The following NRXN3 variants were observed in gnomAD, a reference collection of about 807,000 sequenced individuals.
NRXN3 encodes the protein neurexin III.
In NRXN3, 32 loss-of-function variants were observed where a neutral mutation model predicts 137.6. That is an observed-to-expected ratio of 0.23 (90% CI 0.18 to 0.31). The LOEUF (loss-of-function observed/expected upper bound fraction) is 0.31. Ranked by LOEUF, NRXN3 falls within the 10% of genes least tolerant of loss-of-function variation. The pLI is 1.00. For synonymous variants in NRXN3, 798 were observed against 784.5 expected, an observed-to-expected ratio of 1.02 and a Z score of -0.29; for missense variants, 1,574 against 2,062.5, an observed-to-expected ratio of 0.76 and a Z score of 4.59.
intron 10 of NRXN3, among the ~76,000 whole-genome samples, chr14:78,943,665 T>A (rs1241967524): frequency 1.5e-4 from 13 of 89,188 alleles, no homozygotes; most frequent in Admixed American, 3.3e-4. Flanking sequence ...TATATATATA[T>A]ATATATATAT....
At chr14:78,902,898 C>A (rs1183636843) in intron 10 of NRXN3, among the ~76,000 whole-genome samples, 1 of 151,500 alleles carries the variant, frequency 6.6e-6, no homozygotes, top group East Asian at 1.9e-4. Flanking sequence ...TGTGACTGTG[C>A]ACACCATAGT....
intron 10 of NRXN3, among the ~76,000 whole-genome samples, chr14:78,916,060 T>A (rs2099254557): frequency 6.6e-6 from 1 of 152,108 alleles, no homozygotes; most frequent in Non-Finnish European, 1.5e-5. Flanking sequence ...CTTGAGTGTC[T>A]TGTCCAGGTG....
At chr14:79,818,790 C>T (rs986025978) in intron 20 of NRXN3, among the ~76,000 whole-genome samples, 2 of 152,154 alleles carry the variant, frequency 1.3e-5, no homozygotes, top group African/African-American at 4.8e-5. Flanking sequence ...TTATAAAGAA[C>T]TAAAAATCAC....
intron 1 of NRXN3, among the ~76,000 whole-genome samples, chr14:78,214,041 C>T (rs1215855070): frequency 6.6e-6 from 1 of 152,188 alleles, no homozygotes; most frequent in African/African-American, 2.4e-5. Flanking sequence ...TTCTACCTTA[C>T]CTCCAGCTTC....
chr14:78,663,819 C>A (rs907815286), intron 6 of NRXN3, among the ~76,000 whole-genome samples: 4 of 152,106 alleles, frequency 2.6e-5, no homozygotes, highest in Non-Finnish European at 2.9e-5. Flanking sequence ...GAGACAAAAT[C>A]TCTTGTGTCT....
intron 16 of NRXN3, among the ~76,000 whole-genome samples, chr14:79,637,219 G>A (rs1373280903): frequency 2.6e-5 from 4 of 152,114 alleles, no homozygotes; most frequent in Admixed American, 6.6e-5. Flanking sequence ...TGATGTAAAG[G>A]TCAAATTCAT....
intron 8 of NRXN3, among the ~76,000 whole-genome samples, chr14:78,759,025 A>G (rs1054508335): frequency 6.6e-6 from 1 of 152,068 alleles, no homozygotes; most frequent in Non-Finnish European, 1.5e-5. Context: ...CCTAGTTTTG[A>G]CCTTCCTCAG....
intron 4 of NRXN3, among the ~76,000 whole-genome samples, chr14:78,574,950 T>G (rs950352655): frequency 1.3e-5 from 2 of 152,204 alleles, no homozygotes; most frequent in African/African-American, 4.8e-5. Flanking sequence ...CACCTTGAAT[T>G]ATAATAATTC....
intron 5 of NRXN3, among the ~76,000 whole-genome samples, chr14:78,650,908 G>T (rs1447044544): frequency 6.6e-6 from 1 of 152,170 alleles, no homozygotes. Context: ...ATTGCAATGG[G>T]TAGAACAAGG....
chr14:79,098,555 G>T (rs1472182316), intron 15 of NRXN3, among the ~76,000 whole-genome samples: 1 of 152,110 alleles, frequency 6.6e-6, no homozygotes, highest in Admixed American at 6.5e-5. Context: ...CTGTAATGTT[G>T]CTGAGTTCGG....
chr14:78,466,966 T>C (rs2095124946), intron 4 of NRXN3, among the ~76,000 whole-genome samples: 1 of 152,184 alleles, frequency 6.6e-6, no homozygotes, highest in Admixed American at 6.5e-5. Context: ...GTAACAAACC[T>C]GCACATGTAC....
intron 16 of NRXN3, among the ~76,000 whole-genome samples, chr14:79,495,466 C>T (rs1052172809): frequency 6.6e-6 from 1 of 151,938 alleles, no homozygotes; most frequent in African/African-American, 2.4e-5. Context: ...CTCTATCAAT[C>T]CAGAATCCTA....
At chr14:78,214,074 A>G (rs562393522) in intron 1 of NRXN3, among the ~76,000 whole-genome samples, 2 of 152,258 alleles carry the variant, frequency 1.3e-5, no homozygotes, top group South Asian at 2.1e-4. Context: ...AGTGGTTTCA[A>G]CTGTTCTTCA....
chr14:78,255,219 A>AC (rs2069368048), intron 2 of NRXN3, among the ~76,000 whole-genome samples: 1 of 151,950 alleles, frequency 6.6e-6, no homozygotes, highest in Non-Finnish European at 1.5e-5. Context: ...GTGGTTTAAA[A>AC]TAGTTTACTT....
intron 4 of NRXN3, among the ~76,000 whole-genome samples, chr14:78,641,954 G>T (rs2097638922): frequency 6.6e-6 from 1 of 152,164 alleles, no homozygotes; most frequent in African/African-American, 2.4e-5. Context: ...CCACATAAAA[G>T]AAGTGTTTTT....
chr14:79,416,352 T>C (rs1444683887), intron 15 of NRXN3, among the ~76,000 whole-genome samples: 1 of 152,122 alleles, frequency 6.6e-6, no homozygotes, highest in Admixed American at 6.6e-5. Context: ...TAAATAAATG[T>C]TCTCATTCAT....
intron 4 of NRXN3, among the ~76,000 whole-genome samples, chr14:78,643,304 A>G (rs2097653699): frequency 6.6e-6 from 1 of 152,130 alleles, no homozygotes; most frequent in South Asian, 2.1e-4. Context: ...GGCAGGGAAA[A>G]TATAATTCTC....
intron 19 of NRXN3, among the ~76,000 whole-genome samples, chr14:79,787,466 G>A (rs890174046): frequency 6.6e-6 from 1 of 152,074 alleles, no homozygotes; most frequent in African/African-American, 2.4e-5. Context: ...ATTAACTCTA[G>A]TCACCATGCT....
intron 16 of NRXN3, among the ~76,000 whole-genome samples, chr14:79,583,078 A>G (rs2097732123): frequency 1.3e-5 from 2 of 152,236 alleles, no homozygotes; most frequent in South Asian, 4.1e-4. Flanking sequence ...AAAAAAGTAA[A>G]ACACAAAAAC....
Sources: gnomAD v4.1 joint callset for allele counts (sites outside exome capture counted in the v4.1 genomes callset) on GRCh38, gnomAD v4.1.1 for gene constraint, MANE v1.5 for transcripts, NCBI Gene and HGNC (gene_info 2026-07-23, HGNC 2026-07-21) for gene names.